The following SH3RF2 variants were observed in gnomAD, a reference collection of about 807,000 sequenced individuals.
The protein encoded by SH3RF2 is E3 ubiquitin-protein ligase SH3RF2.
Under a neutral mutation model 59.0 loss-of-function variants are expected in SH3RF2, and 43 were observed. The ratio of observed to expected loss-of-function variants is 0.73; its 90% CI spans 0.57 to 0.94. The LOEUF is 0.94. Ranked by LOEUF, SH3RF2 falls within the 40% of genes least tolerant of loss-of-function variation. The pLI, the probability that SH3RF2 is intolerant of heterozygous loss-of-function variation, is 0.00. For synonymous variants in SH3RF2, 391 were observed against 391.5 expected, an observed-to-expected ratio of 1.00 and a Z score of 0.01; for missense variants, 930 against 940.1, an observed-to-expected ratio of 0.99 and a Z score of 0.14.
intron 7 of SH3RF2, among the ~76,000 whole-genome samples, chr5:146,051,641 G>T (rs1762500210): frequency 6.6e-6 from 1 of 152,172 alleles, no homozygotes; most frequent in Admixed American, 6.5e-5. Flanking sequence ...GATAGTGACT[G>T]CTCCATAAAA....
chr5:146,031,744 T>C (rs1761750970), intron 5 of SH3RF2, among the ~76,000 whole-genome samples: 1 of 152,192 alleles, frequency 6.6e-6, no homozygotes, highest in Non-Finnish European at 1.5e-5. Flanking sequence ...GTCCATGCTT[T>C]AGTGCTTTGA....
intron 1 of SH3RF2, 33 bp from the exon 2 acceptor site, chr5:145,937,790 T>C: frequency 1.1e-6 from 1 of 944,502 alleles, no homozygotes; most frequent in South Asian, 1.7e-5. Flanking sequence ...AGCAGTCACA[T>C]TTTTTTTTCT....
At chr5:145,947,220 G>A (rs926519725) in intron 2 of SH3RF2, among the ~76,000 whole-genome samples, 4 of 150,596 alleles carry the variant, frequency 2.7e-5, no homozygotes, top group African/African-American at 7.3e-5. Context: ...AATAGGAATA[G>A]GTATTTAGTA....
Position 146,062,643 on chromosome 5 carries a change from A to T in SH3RF2, c.2132A>T (p.Lys711Met), listed in dbSNP as rs1476888319. Reference protein sequence around the residue: ...TDLRRKSALGKATTLVSTASG... With the variant: ...TDLRRKSALGMATTLVSTASG... Reference sequence around the variant, plus strand: ...CTCCGGAGAAAGTCAGCTCTTGGCAAGGCCACAACCCTGGTGTCCACTGCC... The same window carrying T: ...CTCCGGAGAAAGTCAGCTCTTGGCATGGCCACAACCCTGGTGTCCACTGCC... Residue 711 changes from lysine (K) to methionine (M), a missense_variant, in exon 10 of 10, where the codon AAG (lysine) becomes ATG (methionine). Coordinates refer to ENST00000359120, the MANE Select transcript of SH3RF2 (RefSeq NM_152550.4). The T allele has an allele frequency of 6.2e-7, 1 of 1,614,206 alleles. No homozygotes were observed. Among genetic ancestry groups the T allele is most frequent in the Admixed American group, 1.7e-5 (1 of 60,030 alleles).
chr5:145,989,971 A>C (rs927472897), intron 2 of SH3RF2, among the ~76,000 whole-genome samples: 1 of 152,192 alleles, frequency 6.6e-6, no homozygotes, highest in African/African-American at 2.4e-5. Context: ...TTTGGATATT[A>C]CATTTTTATG....
chr5:145,941,593 C>A (rs1287746142), intron 2 of SH3RF2, among the ~76,000 whole-genome samples: 1 of 152,194 alleles, frequency 6.6e-6, no homozygotes, highest in Non-Finnish European at 1.5e-5. Context: ...GATCTCTCTT[C>A]TTCCTCATTC....
At chr5:145,970,489 TATATACCAC>T (rs1401231550) in intron 2 of SH3RF2, among the ~76,000 whole-genome samples, 6 of 152,224 alleles carry the variant, frequency 3.9e-5, no homozygotes, top group Non-Finnish European at 8.8e-5. Context: ...CCATGGTACA[TATATACCAC>T]ATTTTCTTTA....
intron 2 of SH3RF2, among the ~76,000 whole-genome samples, chr5:145,992,326 C>T (rs1263753485): frequency 2.0e-5 from 3 of 152,074 alleles, no homozygotes; most frequent in Admixed American, 2.0e-4. Flanking sequence ...GAGGCCAAGA[C>T]CATGACACTG....
rs771204295 is a variant in SH3RF2, at chr5:145,938,032, C to T, written c.104C>T (p.Pro35Leu). The change falls in exon 2 of 10, where the codon CCA becomes CTA. Residue 35 changes from proline (P) to leucine (L), a missense_variant. Pro to Leu is a moderately conservative substitution (Grantham distance 98, BLOSUM62 -3). Coordinates refer to ENST00000359120, the MANE Select transcript of SH3RF2 (RefSeq NM_152550.4). ...VLPCQHTFCK[P>L]CLQRVFKAHK... The stretch of plus-strand genomic sequence containing the variant: ...CCTTGCCAGCACACCTTCTGCAAAC[C>T]ATGTCTACAGAGGGTTTTCAAGGCC... 2 of 1,614,242 alleles carry T rather than the reference C, an allele frequency of 1.2e-6. No individual in the cohort carries two copies. The highest frequency in any genetic ancestry group is 2.2e-5 in the South Asian group (2 of 91,092).
At chr5:145,999,402 T>A (rs1163071470) in intron 2 of SH3RF2, among the ~76,000 whole-genome samples, 1 of 152,236 alleles carries the variant, frequency 6.6e-6, no homozygotes, top group Non-Finnish European at 1.5e-5. Context: ...ATTTCCTTCA[T>A]GAACTTTTCT....
chr5:145,998,061 T>C (rs1215588669), intron 2 of SH3RF2: 7 of 579,548 alleles, frequency 1.2e-5, no homozygotes, highest in Admixed American at 3.3e-5. Context: ...ATGTATGAAG[T>C]TGCAAATAAT....
intron 5 of SH3RF2, among the ~76,000 whole-genome samples, chr5:146,033,872 C>T (rs980543858): frequency 6.6e-6 from 1 of 152,130 alleles, no homozygotes; most frequent in Non-Finnish European, 1.5e-5. Flanking sequence ...AGTAACACTC[C>T]TCCCCCACAA....
intron 2 of SH3RF2, among the ~76,000 whole-genome samples, chr5:145,943,230 TA>T (rs5871948): frequency 2.3e-3 from 322 of 139,414 alleles, no homozygotes; most frequent in Middle Eastern, 3.6e-3. Flanking sequence ...GGATCTCCAT[TA>T]AAAAAAAAAA....
In SH3RF2 at chr5:146,070,372, A is replaced by T. The variant is rs191673406; in HGVS notation, c.*33+7638A>T. 3.2e-3 allele frequency among the ~76,000 whole-genome samples: 489 copies of T among 152,310 alleles called. 3 individuals carry two copies. Among genetic ancestry groups the T allele is most frequent in the African/African-American group, 0.011 (467 of 41,568 alleles). On this transcript the variant is annotated intron_variant, in intron 9 of 9. Transcript: ENST00000511217. ...CCTCCCAGAAAAAAACCATGAGGTT[A>T]GGTCTTGCTGTCCAACAAGTAGGGG...
chr5:146,067,507 G>A (rs1346482984), downstream of SH3RF2, among the ~76,000 whole-genome samples: 2 of 152,174 alleles, frequency 1.3e-5, no homozygotes, highest in East Asian at 3.9e-4. Flanking sequence ...AGGACACTCA[G>A]GACTTAGGAG....
At chr5:146,002,469 AAAGGAAG>A in intron 3 of SH3RF2, among the ~76,000 whole-genome samples, 1 of 97,572 alleles carries the variant, frequency 1.0e-5, no homozygotes, top group Non-Finnish European at 2.0e-5. Context: ...AAAAGAAAGA[AAAGGAAG>A]GAAGGAAGGA....
downstream of SH3RF2, among the ~76,000 whole-genome samples, chr5:146,064,105 A>G (rs1488223199): frequency 2.0e-5 from 3 of 152,098 alleles, no homozygotes; most frequent in Non-Finnish European, 2.9e-5. Flanking sequence ...AAAGGGTAGG[A>G]CAAAGAAGGC....
At chr5:146,004,808 A>G (rs2149986898) in intron 4 of SH3RF2, among the ~76,000 whole-genome samples, 1 of 152,312 alleles carries the variant, frequency 6.6e-6, no homozygotes, top group African/African-American at 2.4e-5. Flanking sequence ...ATAGGTATAG[A>G]GTTCCAGATT....
intron 2 of SH3RF2, among the ~76,000 whole-genome samples, chr5:145,944,183 C>A (rs1757927210): frequency 6.6e-6 from 1 of 152,064 alleles, no homozygotes; most frequent in Non-Finnish European, 1.5e-5. Flanking sequence ...TTCATCAAAG[C>A]ATTTTGAATT....
Sources: allele counts gnomAD v4.1 joint callset (sites outside exome capture counted in the v4.1 genomes callset), GRCh38; gene constraint gnomAD v4.1.1; transcripts MANE v1.5; gene names NCBI Gene and HGNC (gene_info 2026-07-23, HGNC 2026-07-21).